RXRA: variants seen among roughly 807,000 people sequenced by gnomAD.
RXRA encodes the protein retinoid X receptor alpha.
In RXRA, 5 loss-of-function variants were observed where a neutral mutation model predicts 44.5. That is an observed-to-expected ratio of 0.11 (90% CI 0.06 to 0.24). The LOEUF (loss-of-function observed/expected upper bound fraction) is 0.24. RXRA is among the 10% of genes least tolerant of loss of function. The pLI is 1.00. For missense variants in RXRA, 412 were observed against 646.5 expected (o/e 0.64, Z 3.93); for synonymous variants, 291 against 271.4 (o/e 1.07, Z -0.71).
chr9:134,397,850 T>G (rs2119134748), intron 1 of RXRA, among the ~76,000 whole-genome samples: 1 of 152,344 alleles, frequency 6.6e-6, no homozygotes, highest in African/African-American at 2.4e-5. Context: ...GTGTGTCTGC[T>G]GGCTCCCGGG....
In RXRA at chr9:134,379,700, A is replaced by G. The variant is rs1050806180; in HGVS notation, c.29-21932A>G. On this transcript the variant is annotated intron_variant, in intron 1 of 9. Coordinates refer to ENST00000481739, the MANE Select transcript of RXRA (RefSeq NM_002957.6). ...AGGACAGCCCCAGTATGCGGATGAG[A>G]AAACCTGAGGCCCAGCCTGGGCGGG... The G allele has an allele frequency of 1.9e-5, 19 of 985,184 alleles. No individual in the cohort carries two copies. In the African/African-American group the frequency reaches 3.3e-4, roughly 17 times the overall value. 61.0% of individuals were successfully genotyped at this position (985,184 alleles called of 1,614,324 possible). A position where few individuals can be genotyped will look rare whatever the true frequency, so the allele number is the denominator to read the frequency against.
chr9:134,341,593 A>G (rs1402549968), intron 1 of RXRA, among the ~76,000 whole-genome samples: 1 of 152,180 alleles, frequency 6.6e-6, no homozygotes, highest in African/African-American at 2.4e-5. Context: ...GGCCCAGGCC[A>G]GGACCTTGGA....
intron 1 of RXRA, among the ~76,000 whole-genome samples, chr9:134,329,587 G>T (rs1380696806): frequency 1.3e-5 from 2 of 152,194 alleles, no homozygotes; most frequent in African/African-American, 4.8e-5. Context: ...GCTGGTGGGG[G>T]GCGGGTGCTC....
In RXRA at chr9:134,422,697, G is replaced by A. The variant is rs564633229; in HGVS notation, c.910+892G>A. Reference sequence around the variant, plus strand: ...CTCCCGGGACACTCCCCCGTCCTGGGACCTCCTATGTACTCTATGGGACTG... The same window carrying A: ...CTCCCGGGACACTCCCCCGTCCTGGAACCTCCTATGTACTCTATGGGACTG... On this transcript the variant is annotated intron_variant, in intron 6 of 9. Transcript: ENST00000481739. 1,566 of 985,322 alleles carry A rather than the reference G, an allele frequency of 1.6e-3. 2 individuals are homozygous for A. Among genetic ancestry groups the A allele is most frequent in the Non-Finnish European group, 1.8e-3 (1,505 of 829,918 alleles). 61.0% of individuals were successfully genotyped at this position (985,322 alleles called of 1,614,324 possible).
intron 1 of RXRA, among the ~76,000 whole-genome samples, chr9:134,396,448 G>C (rs1830880634): frequency 6.6e-6 from 1 of 152,174 alleles, no homozygotes; most frequent in Non-Finnish European, 1.5e-5. Context: ...GTGGGGGCTG[G>C]AGGTGGGTGA....
chr9:134,357,606 C>T (rs1389057058), intron 1 of RXRA, among the ~76,000 whole-genome samples: 3 of 151,910 alleles, frequency 2.0e-5, no homozygotes, highest in African/African-American at 7.3e-5. Flanking sequence ...GCCCTGGGTT[C>T]GAGGCCAAGG....
rs750339904 is a variant in RXRA at position 134,421,878 on chromosome 9, C to T, written c.910+73C>T. The T allele has an allele frequency of 5.1e-5, 80 of 1,571,498 alleles. 1 individual carries two copies. The South Asian group carries it at 7.4e-4, about 14-fold the overall frequency. ...CACGTACCAGGACACTCCCCCCTCC[C>T]GGGATACTCCGCACTCCCGGGACAC... is the stretch of plus-strand genomic sequence containing the variant. On this transcript the variant is annotated intron_variant, in intron 6 of 9. Transcript: ENST00000481739.
chr9:134,420,047 G>T (rs1224042646), intron 5 of RXRA, among the ~76,000 whole-genome samples: 1 of 152,202 alleles, frequency 6.6e-6, no homozygotes, highest in African/African-American at 2.4e-5. Flanking sequence ...TGTCACCTGG[G>T]CCTGCTCTGG....
At chr9:134,377,776 T>A (rs1588273650) in intron 1 of RXRA, among the ~76,000 whole-genome samples, 1 of 152,230 alleles carries the variant, frequency 6.6e-6, no homozygotes, top group African/African-American at 2.4e-5. Context: ...TGATCTGTCA[T>A]ACCCTCGTGC....
At chr9:134,368,138 C>T (rs1003991437) in intron 1 of RXRA, among the ~76,000 whole-genome samples, 4 of 152,356 alleles carry the variant, frequency 2.6e-5, no homozygotes, top group Admixed American at 2.6e-4. Flanking sequence ...CTGCCATGCA[C>T]CTGTGTCTCT....
chr9:134,371,055 C>G (rs933493470), intron 1 of RXRA, among the ~76,000 whole-genome samples: 6 of 152,120 alleles, frequency 3.9e-5, no homozygotes, highest in African/African-American at 1.4e-4. Flanking sequence ...GGGCCCTGGG[C>G]TGGCAGGTGG....
chr9:134,369,887 T>A (rs1162833043), intron 1 of RXRA, among the ~76,000 whole-genome samples: 1 of 152,174 alleles, frequency 6.6e-6, no homozygotes, highest in Non-Finnish European at 1.5e-5. Flanking sequence ...CAGTCCCGTG[T>A]GTGCGGGTGC....
At chr9:134,367,222 TC>T (rs1830425500) in intron 1 of RXRA, among the ~76,000 whole-genome samples, 1 of 152,024 alleles carries the variant, frequency 6.6e-6, no homozygotes, top group Non-Finnish European at 1.5e-5. Flanking sequence ...CACCAGCCAC[TC>T]CCCTGCCTGC....
chr9:134,416,155 C>T (rs568471767), intron 4 of RXRA, among the ~76,000 whole-genome samples: 53 of 152,150 alleles, frequency 3.5e-4, no homozygotes, highest in Admixed American at 1.3e-3. Context: ...GCCTGTCCCC[C>T]GGCACTTGGG....
At position 134,434,124 on chromosome 9, in the gene RXRA, G is replaced by C; in HGVS notation, c.1158G>C (p.Pro386=). 1 of 1,613,726 alleles carries C rather than the reference G, an allele frequency of 6.2e-7. No homozygotes were observed. The highest frequency in any genetic ancestry group is 1.1e-5 in the South Asian group (1 of 91,084). Residue 386 remains proline, a synonymous_variant, in exon 9 of 10, where the codon CCG becomes CCC. Coordinates refer to ENST00000481739, the MANE Select transcript of RXRA (RefSeq NM_002957.6). Reference sequence around the variant, plus strand: ...CAGACTCCAAGGGGCTCTCGAACCCGGCCGAGGTGGAGGCGCTGAGGGAGA... The same window carrying C: ...CAGACTCCAAGGGGCTCTCGAACCCCGCCGAGGTGGAGGCGCTGAGGGAGA... ...FNPDSKGLSN[P]AEVEALREKV... is the part of the protein sequence containing the mutation.
In RXRA at chr9:134,339,646, TCTGTGTGTGTGC is replaced by T. The variant is rs1204341141; in HGVS notation, c.28+12999_28+13010del. Among the ~76,000 whole-genome samples, 177 of 149,518 alleles carry T rather than the reference TCTGTGTGTGTGC, an allele frequency of 1.2e-3. 2 individuals carry two copies. Among genetic ancestry groups the T allele is most frequent in the African/African-American group, 3.9e-3 (158 of 40,390 alleles). ...CTGTGTGTGTGAGCCTGTGCGTGTG[TCTGTGTGTGTGC>T]CTGTGTGTGTGTGAGCCTGTGTGTG... On this transcript the variant is annotated intron_variant, in intron 1 of 9. Transcript: ENST00000481739.
chr9:134,358,444 C>T (rs188263741), intron 1 of RXRA, among the ~76,000 whole-genome samples: 265 of 152,328 alleles, frequency 1.7e-3, no homozygotes, highest in African/African-American at 6.0e-3. Context: ...ATGCAAAGGC[C>T]CAGAGCTGGG....
At chr9:134,357,518 C>T (rs1477036651) in intron 1 of RXRA, among the ~76,000 whole-genome samples, 1 of 151,982 alleles carries the variant, frequency 6.6e-6, no homozygotes, top group Non-Finnish European at 1.5e-5. Context: ...GGACTGTCCA[C>T]GCCACGAGCA....
chr9:134,425,853 A>G (rs1375925051), intron 6 of RXRA: 1 of 984,920 alleles, frequency 1.0e-6, no homozygotes, highest in Non-Finnish European at 1.2e-6. Context: ...GGACTCATTT[A>G]ACTCTCCAGA....
Sources: gnomAD v4.1 joint callset for allele counts (sites outside exome capture counted in the v4.1 genomes callset) on GRCh38, gnomAD v4.1.1 for gene constraint, MANE v1.5 for transcripts, NCBI Gene and HGNC (gene_info 2026-07-23, HGNC 2026-07-21) for gene names.